The following ANO3 variants were observed in gnomAD, a reference collection of about 807,000 sequenced individuals.
The protein encoded by ANO3 is anoctamin 3, also known as anoctamin-3.
A neutral mutation model predicts 144.8 loss-of-function variants in ANO3; 99 were observed. The ratio of observed to expected loss-of-function variants is 0.68; its 90% CI spans 0.58 to 0.81. The LOEUF (loss-of-function observed/expected upper bound fraction) is 0.81, where lower values mean the gene tolerates loss of function less well. Ranked by LOEUF, ANO3 falls within the 30% of genes least tolerant of loss-of-function variation. The pLI, the probability that ANO3 is intolerant of heterozygous loss-of-function variation, is 0.00. For synonymous variants in ANO3, 414 were observed against 392.6 expected (o/e 1.05, Z -0.64); for missense variants, 905 against 1,202.2 (o/e 0.75, Z 3.66).
chr11:26,537,160 T>C (rs1046303898), intron 9 of ANO3, among the ~76,000 whole-genome samples: 1 of 152,128 alleles, frequency 6.6e-6, no homozygotes, highest in Non-Finnish European at 1.5e-5. Flanking sequence ...TATTTTATGA[T>C]ATGGTAAAGT....
intron 1 of ANO3, among the ~76,000 whole-genome samples, chr11:26,397,728 T>G (rs1857052325): frequency 6.6e-6 from 1 of 152,084 alleles, no homozygotes; most frequent in Admixed American, 6.6e-5. Context: ...TCTAGATATT[T>G]AAAACTGCAA....
intron 4 of ANO3, among the ~76,000 whole-genome samples, chr11:26,470,630 T>C (rs2134069695): frequency 6.6e-6 from 1 of 152,034 alleles, no homozygotes; most frequent in Admixed American, 6.6e-5. Flanking sequence ...ATGATCACAG[T>C]GTATAATTAT....
intron 3 of ANO3, among the ~76,000 whole-genome samples, chr11:26,457,904 A>G (rs1479769227): frequency 6.6e-6 from 1 of 152,004 alleles, no homozygotes. Flanking sequence ...TTTTTTGTGA[A>G]AATCTGTTTT....
chr11:26,194,282 GTGTATAAAA>G (rs1260342904), intron 1 of ANO3, among the ~76,000 whole-genome samples: 15 of 152,130 alleles, frequency 9.9e-5, no homozygotes, highest in African/African-American at 3.4e-4. Flanking sequence ...ATCTGACAGT[GTGTATAAAA>G]TATATATCAC....
intron 11 of ANO3, among the ~76,000 whole-genome samples, chr11:26,542,683 T>G (rs1045415483): frequency 3.9e-5 from 6 of 152,164 alleles, no homozygotes; most frequent in African/African-American, 1.2e-4. Context: ...TACTTCAGGA[T>G]GCATATTCTA....
In ANO3 at chr11:26,460,541, T is replaced by G. The variant is rs1859356251; in HGVS notation, c.314-2489T>G. On this transcript the variant is annotated intron_variant, in intron 3 of 26. Transcript: ENST00000256737. Reference sequence around the variant, plus strand: ...TGAAGGAATTTAGAAAATAAAATGATTAGCTCTAGTCAGCGCTGTAGGGTA... The same window carrying G: ...TGAAGGAATTTAGAAAATAAAATGAGTAGCTCTAGTCAGCGCTGTAGGGTA... Among the ~76,000 whole-genome samples the G allele has an allele frequency of 1.3e-5, 2 of 151,918 alleles. 1 individual carries two copies. Among genetic ancestry groups the G allele is most frequent in the South Asian group, 4.2e-4 (2 of 4,812 alleles).
intron 1 of ANO3, among the ~76,000 whole-genome samples, chr11:26,322,224 T>C (rs944640933): frequency 1.7e-4 from 26 of 152,228 alleles, no homozygotes; most frequent in African/African-American, 6.3e-4. Flanking sequence ...AATATACTCA[T>C]TTTTAAGAAC....
chr11:26,288,036 T>G (rs1246580349), intron 1 of ANO3: 1 of 152,390 alleles, frequency 6.6e-6, no homozygotes, highest in Non-Finnish European at 1.5e-5. Flanking sequence ...CTATGCGTTG[T>G]TCACACTGTA....
At chr11:26,597,409 G>C (rs11029628) in intron 14 of ANO3, among the ~76,000 whole-genome samples, 3 of 152,168 alleles carry the variant, frequency 2.0e-5, no homozygotes, top group African/African-American at 4.8e-5. Context: ...GCACTTAGCC[G>C]TGCAGGAACA....
intron 17 of ANO3, among the ~76,000 whole-genome samples, chr11:26,613,888 G>A (rs981523542): frequency 6.6e-6 from 1 of 152,214 alleles, no homozygotes; most frequent in Non-Finnish European, 1.5e-5. Context: ...AATCTGTATG[G>A]TGAGTTTCCT....
intron 1 of ANO3, among the ~76,000 whole-genome samples, chr11:26,366,774 T>C (rs1333169339): frequency 6.8e-6 from 1 of 147,900 alleles, no homozygotes; most frequent in Admixed American, 6.7e-5. Flanking sequence ...CATAAATGTC[T>C]TCTTTTGAGA....
chr11:26,374,935 G>C (rs1165341236), intron 1 of ANO3, among the ~76,000 whole-genome samples: 1 of 152,026 alleles, frequency 6.6e-6, no homozygotes, highest in Non-Finnish European at 1.5e-5. Context: ...GTAGAGACAG[G>C]GTTTCACCAT....
chr11:26,657,085 A>G (rs1262480692), intron 26 of ANO3, among the ~76,000 whole-genome samples: 1 of 152,170 alleles, frequency 6.6e-6, no homozygotes, highest in Admixed American at 6.6e-5. Context: ...TAGCACTGGG[A>G]TATATTGAGT....
intron 17 of ANO3, among the ~76,000 whole-genome samples, chr11:26,615,182 G>GT (rs34108829): frequency 0.3 from 42,242 of 143,178 alleles, 6,415 homozygotes; most frequent in South Asian, 0.46. Flanking sequence ...TTCTGTTTTT[G>GT]TTTTTTTTTT....
intron 1 of ANO3, among the ~76,000 whole-genome samples, chr11:26,365,985 TATATATATA>T (rs1856066961): frequency 6.5e-4 from 1 of 1,546 alleles, no homozygotes; most frequent in African/African-American, 9.6e-4. Context: ...TATATATATA[TATATATATA>T]TATATATATT....
chr11:26,443,880 A>G (rs1047093272), intron 3 of ANO3, 44 bp downstream of exon 3: 1 of 1,340,020 alleles, frequency 7.5e-7, no homozygotes, highest in Non-Finnish European at 1.1e-6. Context: ...CCCTCTCTCC[A>G]AAGGTAAGCT....
rs1268395378 is a variant in ANO3 at position 26,512,223 on chromosome 11, A to G, written c.591+3961A>G. ...TATGTTCTTTCCACCCTGTGCTAAC[A>G]ATTTGCAGAGTGACTTTGTAAAAAC... On this transcript the variant is annotated intron_variant, in intron 5 of 26. Coordinates refer to ENST00000256737, the MANE Select transcript of ANO3 (RefSeq NM_031418.4). 2.6e-5 allele frequency among the ~76,000 whole-genome samples: 4 copies of G among 152,194 alleles called. No individual in the cohort carries two copies. In the East Asian group the frequency reaches 7.7e-4, roughly 29 times the overall value.
At chr11:26,379,160 TTCTAAGGCAAGA>T (rs1430290311) in intron 1 of ANO3, among the ~76,000 whole-genome samples, 1 of 152,128 alleles carries the variant, frequency 6.6e-6, no homozygotes, top group Non-Finnish European at 1.5e-5. Flanking sequence ...GCTACGAAGA[TTCTAAGGCAAGA>T]TGAGACTATC....
At chr11:26,544,132 T>A (rs574586516) in intron 11 of ANO3, among the ~76,000 whole-genome samples, 2 of 150,990 alleles carry the variant, frequency 1.3e-5, no homozygotes, top group East Asian at 3.9e-4. Flanking sequence ...CACATTTTAG[T>A]GTCAATAGTT....
Sources: gnomAD v4.1 joint callset for allele counts (sites outside exome capture counted in the v4.1 genomes callset) on GRCh38, gnomAD v4.1.1 for gene constraint, MANE v1.5 for transcripts, NCBI Gene and HGNC (gene_info 2026-07-23, HGNC 2026-07-21) for gene names.